Variants in ATP6V1E1 observed in about 807,000 individuals in gnomAD.
The protein encoded by ATP6V1E1 is V-type proton ATPase subunit E 1.
In ATP6V1E1, 21 loss-of-function variants were observed where a neutral mutation model predicts 35.2. The observed-to-expected ratio is 0.60, with a 90% confidence interval of 0.42 to 0.86. ATP6V1E1 has a LOEUF of 0.86. ATP6V1E1 is among the 40% of genes least tolerant of loss of function. The pLI is 0.00. For synonymous variants in ATP6V1E1, 83 were observed against 87.8 expected (o/e 0.95, Z 0.30); for missense variants, 183 against 272.6 (o/e 0.67, Z 2.32).
chr22:17,615,860 A>G (rs183476247), intron 2 of ATP6V1E1, among the ~76,000 whole-genome samples: 477 of 152,152 alleles, frequency 3.1e-3, no homozygotes, highest in Non-Finnish European at 4.4e-3. Flanking sequence ...GTGAAACCCC[A>G]TCTCTACTAA....
At chr22:17,620,547 G>C (rs1252626893) in intron 1 of ATP6V1E1, among the ~76,000 whole-genome samples, 1 of 151,300 alleles carries the variant, frequency 6.6e-6, no homozygotes, top group Non-Finnish European at 1.5e-5. Flanking sequence ...ACTCTTTTGG[G>C]GCCATACTCT....
chr22:17,628,583 G>A lies in ATP6V1E1; in HGVS notation c.33+20C>T. 1 of 1,614,076 alleles carries A rather than the reference G, an allele frequency of 6.2e-7. No individual in the cohort carries two copies. Among genetic ancestry groups the A allele is most frequent in the Non-Finnish European group, 8.5e-7 (1 of 1,180,036 alleles). On this transcript the variant is annotated intron_variant, in intron 1 of 8. Transcript: ENST00000253413. ...CGGGACTGCCGCCGCGGCTTCGTAAGACCCAACCAAGCCCCTCACCTGCTT... is the reference window on the plus strand; with the variant it reads ...CGGGACTGCCGCCGCGGCTTCGTAAAACCCAACCAAGCCCCTCACCTGCTT...
Position 17,613,210 on chromosome 22 carries a change from C to T in ATP6V1E1, c.209+1G>A. On this transcript the variant is annotated splice_donor_variant, in intron 3 of 8. Coordinates refer to ENST00000253413, the MANE Select transcript of ATP6V1E1 (RefSeq NM_001696.4). LOFTEE classifies it high-confidence loss of function. Reference sequence around the variant, plus strand: ...TAATACTGCAACCAGGATCTACTTACATTTTCTTCTGCTGCTCAATCTGTT... The same window carrying T: ...TAATACTGCAACCAGGATCTACTTATATTTTCTTCTGCTGCTCAATCTGTT... 1 of 1,609,606 alleles carries T rather than the reference C, an allele frequency of 6.2e-7. No homozygotes were observed.
intron 1 of ATP6V1E1, among the ~76,000 whole-genome samples, chr22:17,621,185 G>A (rs754773319): frequency 5.9e-5 from 9 of 152,028 alleles, no homozygotes; most frequent in East Asian, 1.9e-4. Context: ...TCTTCCTGCC[G>A]CTATTCTTGT....
chr22:17,628,743 A>G lies in ATP6V1E1; in HGVS notation c.-108T>C, dbSNP rs564390384. On this transcript the variant is annotated 5_prime_UTR_variant, in exon 1 of 9. Coordinates refer to ENST00000253413, the MANE Select transcript of ATP6V1E1 (RefSeq NM_001696.4). ...CCCTGCGCAGATCTCGGGTTCCTTT[A>G]CTTTATAACCGCGGGTTCCGGTTCC... is the stretch of plus-strand genomic sequence containing the variant. 349 of 1,481,436 alleles carry G rather than the reference A, an allele frequency of 2.4e-4. No individual in the cohort carries two copies. The highest frequency in any genetic ancestry group is 1.8e-3 in the South Asian group (156 of 88,340). 91.8% of individuals were successfully genotyped at this position (1,481,436 alleles called of 1,614,324 possible).
chr22:17,620,316 T>G (rs1457247872), intron 1 of ATP6V1E1, among the ~76,000 whole-genome samples: 1 of 151,728 alleles, frequency 6.6e-6, no homozygotes, highest in South Asian at 2.1e-4. Flanking sequence ...CCTGGCTAAT[T>G]TTTTGTATTT....
At chr22:17,594,798 C>G (rs901212232) in intron 7 of ATP6V1E1, 182 bp from the exon 8 acceptor site, 8 of 454,034 alleles carry the variant, frequency 1.8e-5, no homozygotes, top group Admixed American at 4.2e-5. Flanking sequence ...TTCAGGAAAC[C>G]CCAGTCCCCG....
At chr22:17,627,859 A>G (rs1267869315) in intron 1 of ATP6V1E1, among the ~76,000 whole-genome samples, 1 of 150,768 alleles carries the variant, frequency 6.6e-6, no homozygotes, top group Non-Finnish European at 1.5e-5. Flanking sequence ...CACAGTTCAT[A>G]AAGTGAACGA....
At chr22:17,600,919 C>A (rs956446621) in intron 5 of ATP6V1E1, 173 bp downstream of exon 5, 13 of 488,452 alleles carry the variant, frequency 2.7e-5, no homozygotes, top group African/African-American at 2.6e-4. Context: ...ATGCAGCACA[C>A]ATTTTAGATA....
At chr22:17,626,140 A>G (rs2057903267) in intron 1 of ATP6V1E1, among the ~76,000 whole-genome samples, 1 of 151,654 alleles carries the variant, frequency 6.6e-6, no homozygotes, top group South Asian at 2.1e-4. Context: ...CCCCATCTCT[A>G]ATAAAAAATA....
Position 17,598,250 on chromosome 22 carries a change from G to A in ATP6V1E1, c.474C>T (p.Ala158=), listed in dbSNP as rs767986960. The A allele has an allele frequency of 6.2e-7, 1 of 1,614,036 alleles. No individual in the cohort carries two copies. Among genetic ancestry groups the A allele is most frequent in the Non-Finnish European group, 8.5e-7 (1 of 1,179,966 alleles). ...VQKAIPMYKI[A]TKNDVDVQID... ...TTTGGACATCAACATCGTTTTTGGTGGCAATTTTGTACATAGGAATTGCCT... is the reference window on the plus strand; with the variant it reads ...TTTGGACATCAACATCGTTTTTGGTAGCAATTTTGTACATAGGAATTGCCT... Residue 158 remains alanine (A), a synonymous_variant, in exon 7 of 9, where the codon GCC becomes GCT. Coordinates refer to ENST00000253413, the MANE Select transcript of ATP6V1E1 (RefSeq NM_001696.4).
At chr22:17,605,863 T>C (rs1391516932) in intron 4 of ATP6V1E1, among the ~76,000 whole-genome samples, 2 of 152,090 alleles carry the variant, frequency 1.3e-5, no homozygotes, top group Non-Finnish European at 2.9e-5. Context: ...TCTTACTGTG[T>C]TGCCTGGGCT....
At chr22:17,628,274 G>A (rs2057932980) in intron 1 of ATP6V1E1, among the ~76,000 whole-genome samples, 1 of 152,202 alleles carries the variant, frequency 6.6e-6, no homozygotes, top group African/African-American at 2.4e-5. Flanking sequence ...CCACAAGGCT[G>A]TTTTCAATCC....
intron 4 of ATP6V1E1, among the ~76,000 whole-genome samples, chr22:17,607,138 TTA>T: frequency 6.6e-6 from 1 of 152,004 alleles, no homozygotes; most frequent in East Asian, 1.9e-4. Flanking sequence ...TCACCATTCT[TTA>T]CCTGTTCTTC....
chr22:17,601,595 G>A (rs112358131), intron 4 of ATP6V1E1, among the ~76,000 whole-genome samples: 2 of 152,108 alleles, frequency 1.3e-5, no homozygotes, highest in East Asian at 1.9e-4. Context: ...GCCAGATTAC[G>A]AATAATTTCA....
intron 1 of ATP6V1E1, among the ~76,000 whole-genome samples, chr22:17,622,276 G>T (rs1351137410): frequency 7.0e-6 from 1 of 142,906 alleles, no homozygotes; most frequent in Non-Finnish European, 1.6e-5. Context: ...TGTGAACCCA[G>T]AACATGGAAC....
At position 17,613,338 on chromosome 22, in the gene ATP6V1E1, A is replaced by G. The variant is rs2057824710; in HGVS notation, c.100-18T>C. The G allele has an allele frequency of 6.3e-7, 1 of 1,597,338 alleles. No homozygotes were observed. Among genetic ancestry groups the G allele is most frequent in the African/African-American group, 1.3e-5 (1 of 74,520 alleles). On this transcript the variant is annotated intron_variant, in intron 2 of 8. Coordinates refer to ENST00000253413, the MANE Select transcript of ATP6V1E1 (RefSeq NM_001696.4). Reference sequence around the variant, plus strand: ...TCTTCTGCCTAGAGGGAAATTAGTCAATATTAATTCATTACATCAAGTTTT... The same window carrying G: ...TCTTCTGCCTAGAGGGAAATTAGTCGATATTAATTCATTACATCAAGTTTT...
chr22:17,618,496 T>C (rs1173122513), intron 2 of ATP6V1E1, among the ~76,000 whole-genome samples: 1 of 149,966 alleles, frequency 6.7e-6, no homozygotes, highest in African/African-American at 2.5e-5. Flanking sequence ...TCCTGGCTAA[T>C]GTGGTGAAAC....
chr22:17,626,732 G>A (rs535959612), intron 1 of ATP6V1E1, among the ~76,000 whole-genome samples: 9 of 152,218 alleles, frequency 5.9e-5, no homozygotes, highest in Admixed American at 2.0e-4. Context: ...GTTTTGCCAC[G>A]TTGGCCAGGC....
Sources: gnomAD v4.1 joint callset for allele counts (sites outside exome capture counted in the v4.1 genomes callset) on GRCh38, gnomAD v4.1.1 for gene constraint, MANE v1.5 for transcripts, NCBI Gene and HGNC (gene_info 2026-07-23, HGNC 2026-07-21) for gene names.